NXPE4: variants seen among roughly 807,000 people sequenced by gnomAD.
NXPE4 encodes the protein neurexophilin and PC-esterase domain family member 4, also known as NXPE family member 4.
Under a neutral mutation model 33.3 loss-of-function variants are expected in NXPE4, and 42 were observed. The observed-to-expected ratio is 1.26, with a 90% CI of 0.98 to 1.63. The LOEUF is 1.63. Among genes scored for constraint, NXPE4 ranks in the 40% most tolerant of loss-of-function variants. The pLI, the probability that NXPE4 is intolerant of heterozygous loss-of-function variation, is 0.00. For missense variants in NXPE4, 709 were observed against 647.6 expected (o/e 1.09, Z -1.03); for synonymous variants, 253 against 234.9 (o/e 1.08, Z -0.71).
chr11:114,642,105 C>T, the NXPE4 span, among the ~76,000 whole-genome samples: 3 of 151,982 alleles, frequency 2.0e-5, no homozygotes, highest in South Asian at 2.1e-4. Flanking sequence ...AAAAGGCTGG[C>T]AAACACTACC....
At chr11:114,659,575 T>C in the NXPE4 span, among the ~76,000 whole-genome samples, 134,112 of 152,122 alleles carry the variant, frequency 0.88, 59,483 homozygotes, top group Non-Finnish European at 0.92. Flanking sequence ...TTCTACATAA[T>C]TCAAGGGACA....
the NXPE4 span, among the ~76,000 whole-genome samples, chr11:114,628,472 T>C: frequency 0.01 from 1,542 of 151,956 alleles, 22 homozygotes; most frequent in African/African-American, 0.035. Context: ...TTGAAACCAA[T>C]GAGAACAAAG....
At chr11:114,659,921 G>A in the NXPE4 span, among the ~76,000 whole-genome samples, 1 of 152,018 alleles carries the variant, frequency 6.6e-6, no homozygotes, top group Non-Finnish European at 1.5e-5. Flanking sequence ...TGCTCAGGAT[G>A]ACTAAAAAGA....
the NXPE4 span, among the ~76,000 whole-genome samples, chr11:114,619,105 G>A: frequency 6.6e-6 from 1 of 152,034 alleles, no homozygotes; most frequent in African/African-American, 2.4e-5. Context: ...CTGTTGCACT[G>A]TGGATAATAA....
In NXPE4 at chr11:114,582,530, G is replaced by T; in HGVS notation, c.588C>A (p.Asn196Lys). ...EGVSALWSAR[N>K]QGYDRVIFTG... ...TGAAGATCACCCTGTCATAGCCTTGGTTCCTTGCACTCCAGAGAGCTGACA... is the reference window on the plus strand; with the variant it reads ...TGAAGATCACCCTGTCATAGCCTTGTTTCCTTGCACTCCAGAGAGCTGACA... Residue 196 changes from asparagine to lysine, a missense_variant, in exon 3 of 6, where the codon AAC becomes AAA. By Grantham distance (94) the Asn-to-Lys change is moderately conservative. Coordinates refer to ENST00000375478, the MANE Select transcript of NXPE4 (RefSeq NM_001077639.2). 6.2e-7 allele frequency: 1 copy of T among 1,614,152 alleles called. No individual in the cohort carries two copies. Among genetic ancestry groups the T allele is most frequent in the South Asian group, 1.1e-5 (1 of 91,088 alleles).
the NXPE4 span, among the ~76,000 whole-genome samples, chr11:114,654,589 T>C: frequency 6.6e-6 from 1 of 152,154 alleles, no homozygotes; most frequent in South Asian, 2.1e-4. Context: ...CCTCTGTTCC[T>C]GTGTTAGTTT....
chr11:114,585,529 AAAAG>A (rs1186992134), intron 2 of NXPE4, among the ~76,000 whole-genome samples: 3 of 152,142 alleles, frequency 2.0e-5, no homozygotes, highest in Non-Finnish European at 4.4e-5. Context: ...TAAAAAGAGA[AAAAG>A]AAGGTCATTA....
the NXPE4 span, among the ~76,000 whole-genome samples, chr11:114,618,694 A>G: frequency 3.3e-5 from 5 of 152,148 alleles, no homozygotes; most frequent in East Asian, 9.7e-4. Flanking sequence ...ACTTGATAAT[A>G]AGTGCTGTGT....
chr11:114,581,620 C>T (rs571874528), intron 4 of NXPE4, 105 bp downstream of exon 4: 3 of 887,158 alleles, frequency 3.4e-6, no homozygotes, highest in Non-Finnish European at 5.4e-6. Context: ...GCCAGATGAA[C>T]AGAGTGCTGA....
the NXPE4 span, among the ~76,000 whole-genome samples, chr11:114,657,087 C>T: frequency 6.6e-6 from 1 of 152,146 alleles, no homozygotes; most frequent in Non-Finnish European, 1.5e-5. Flanking sequence ...GAGTGAGACT[C>T]CATCTCAAAA....
chr11:114,623,261 A>T, the NXPE4 span, among the ~76,000 whole-genome samples: 2 of 149,508 alleles, frequency 1.3e-5, no homozygotes, highest in African/African-American at 4.9e-5. Context: ...TGGGTAATAC[A>T]TATTGCCTCG....
At chr11:114,585,989 A>G (rs1949286596) in intron 2 of NXPE4, among the ~76,000 whole-genome samples, 1 of 152,182 alleles carries the variant, frequency 6.6e-6, no homozygotes, top group Non-Finnish European at 1.5e-5. Flanking sequence ...CTGCATAATG[A>G]AAGATTAGAG....
chr11:114,650,669 A>G, the NXPE4 span, among the ~76,000 whole-genome samples: 2 of 152,174 alleles, frequency 1.3e-5, no homozygotes. Flanking sequence ...ATATATGCTG[A>G]TATCAAGCAG....
chr11:114,624,682 T>C, the NXPE4 span, among the ~76,000 whole-genome samples: 91 of 152,092 alleles, frequency 6.0e-4, 1 homozygote, highest in South Asian at 0.016. Context: ...TGGTGGAAAA[T>C]AAGTATTGCC....
chr11:114,603,852 T>C, the NXPE4 span, among the ~76,000 whole-genome samples: 6 of 151,716 alleles, frequency 4.0e-5, no homozygotes, highest in Non-Finnish European at 5.9e-5. Context: ...AAGTATTGCC[T>C]CCTCTCCTAG....
At chr11:114,663,637 C>CTATCTATCTATCTATCTATCATCT in the NXPE4 span, among the ~76,000 whole-genome samples, 2 of 138,754 alleles carry the variant, frequency 1.4e-5, no homozygotes. Flanking sequence ...ATCTATCTAT[C>CTATCTATCTATCTATCTATCATCT]ATCTATCCAT....
the NXPE4 span, among the ~76,000 whole-genome samples, chr11:114,667,375 G>A: frequency 1.3e-5 from 2 of 152,064 alleles, no homozygotes; most frequent in African/African-American, 4.8e-5. Flanking sequence ...TAATTCTGAA[G>A]TAATAGACTT....
the NXPE4 span, among the ~76,000 whole-genome samples, chr11:114,652,648 T>C: frequency 9.1e-4 from 138 of 152,338 alleles, no homozygotes; most frequent in African/African-American, 3.1e-3. Context: ...CTTGAAATCA[T>C]TCTTGAAGTT....
At chr11:114,616,814 C>A in the NXPE4 span, among the ~76,000 whole-genome samples, 297 of 151,780 alleles carry the variant, frequency 2.0e-3, no homozygotes, top group Non-Finnish European at 3.8e-3. Context: ...ATAAGTGTTG[C>A]CTCGTTGGTA....
Sources: allele counts gnomAD v4.1 joint callset (sites outside exome capture counted in the v4.1 genomes callset), GRCh38; gene constraint gnomAD v4.1.1; transcripts MANE v1.5; gene names NCBI Gene and HGNC (gene_info 2026-07-23, HGNC 2026-07-21).